Variants in MACROD2 observed in about 807,000 individuals in gnomAD.
MACROD2 encodes mono-ADP ribosylhydrolase 2.
Under a neutral mutation model 70.4 loss-of-function variants are expected in MACROD2, and 36 were observed. That is an observed-to-expected ratio of 0.51 (90% CI 0.39 to 0.68). The LOEUF is 0.68. Ranked by LOEUF, MACROD2 falls within the 30% of genes least tolerant of loss-of-function variation. MACROD2 has a pLI of 0.00. For synonymous variants in MACROD2, 172 were observed against 178.8 expected, an observed-to-expected ratio of 0.96 and a Z score of 0.30; for missense variants, 496 against 538.4, an observed-to-expected ratio of 0.92 and a Z score of 0.78.
intron 7 of MACROD2, among the ~76,000 whole-genome samples, chr20:15,467,534 TTCTC>T (rs896756508): frequency 6.6e-6 from 1 of 152,080 alleles, no homozygotes; most frequent in Non-Finnish European, 1.5e-5. Context: ...GGTTATTTTT[TTCTC>T]TCTCTCTCAT....
At chr20:15,165,172 C>T (rs2076375015) in intron 5 of MACROD2, among the ~76,000 whole-genome samples, 1 of 152,104 alleles carries the variant, frequency 6.6e-6, no homozygotes, top group Admixed American at 6.6e-5. Context: ...AGACTTGACA[C>T]CGGCTGGGTA....
intron 5 of MACROD2, among the ~76,000 whole-genome samples, chr20:15,189,440 A>T (rs1601197273): frequency 1.3e-5 from 2 of 152,182 alleles, no homozygotes; most frequent in East Asian, 3.9e-4. Flanking sequence ...GAATTCGGGC[A>T]ATCTAGCATG....
chr20:14,742,594 G>T (rs1207009729), intron 5 of MACROD2, among the ~76,000 whole-genome samples: 1 of 150,590 alleles, frequency 6.6e-6, no homozygotes, highest in East Asian at 1.9e-4. Context: ...TTTTTAATAA[G>T]GGTTAAAATC....
intron 5 of MACROD2, among the ~76,000 whole-genome samples, chr20:15,170,089 C>T (rs1170366319): frequency 1.3e-5 from 2 of 152,184 alleles, no homozygotes; most frequent in South Asian, 2.1e-4. Context: ...ATTGGAAGTA[C>T]AGTTAAGGTT....
intron 5 of MACROD2, among the ~76,000 whole-genome samples, chr20:14,755,622 A>G (rs901596217): frequency 2.0e-5 from 3 of 152,096 alleles, no homozygotes; most frequent in African/African-American, 7.3e-5. Flanking sequence ...GTCAAAATTT[A>G]GTAGAAGGTG....
intron 8 of MACROD2, among the ~76,000 whole-genome samples, chr20:15,735,497 C>A (rs552250607): frequency 2.6e-5 from 4 of 152,148 alleles, no homozygotes; most frequent in South Asian, 2.1e-4. Context: ...GATTTCACCA[C>A]CTTCATGAGA....
At chr20:15,153,063 G>A (rs6135352) in intron 5 of MACROD2, among the ~76,000 whole-genome samples, 23,678 of 152,034 alleles carry the variant, frequency 0.16, 2,095 homozygotes, top group East Asian at 0.34. Flanking sequence ...TGAGGTCGTA[G>A]GTGGATCTTT....
In MACROD2 at chr20:14,819,916, C is replaced by T. The variant is rs137954703; in HGVS notation, c.418+134957C>T. 5.8e-3 allele frequency among the ~76,000 whole-genome samples: 887 copies of T among 152,088 alleles called. 9 individuals are homozygous for T. The highest frequency in any genetic ancestry group is 8.9e-3 in the Non-Finnish European group (608 of 67,970). Reference sequence around the variant, plus strand: ...ATGCAGCAGATATCATGATGTTGTTCCCAACCTAAAAGCCCTGGGAAGCCC... The same window carrying T: ...ATGCAGCAGATATCATGATGTTGTTTCCAACCTAAAAGCCCTGGGAAGCCC... On this transcript the variant is annotated intron_variant, in intron 5 of 17. Coordinates refer to ENST00000684519, the MANE Select transcript of MACROD2 (RefSeq NM_001351661.2).
intron 5 of MACROD2, among the ~76,000 whole-genome samples, chr20:15,152,381 T>C (rs1408779986): frequency 2.7e-5 from 4 of 149,480 alleles, no homozygotes; most frequent in African/African-American, 5.0e-5. Context: ...TGGGGGTTCT[T>C]GCCCTCCAGA....
At chr20:14,676,378 A>C (rs2095097805) in intron 4 of MACROD2, among the ~76,000 whole-genome samples, 1 of 152,262 alleles carries the variant, frequency 6.6e-6, no homozygotes. Context: ...CTCAGACCAC[A>C]GTGCAATCAA....
intron 8 of MACROD2, among the ~76,000 whole-genome samples, chr20:15,560,816 G>A (rs1300541658): frequency 6.8e-6 from 1 of 146,398 alleles, no homozygotes; most frequent in Non-Finnish European, 1.5e-5. Context: ...TTTCTGTATA[G>A]GTCAATTTTT....
chr20:14,583,608 G>C (rs1004442558), intron 4 of MACROD2, among the ~76,000 whole-genome samples: 1 of 152,136 alleles, frequency 6.6e-6, no homozygotes, highest in Non-Finnish European at 1.5e-5. Context: ...GAAGAGCGAT[G>C]TTAGGTCAGT....
chr20:14,111,932 T>C (rs1334282022), intron 3 of MACROD2, among the ~76,000 whole-genome samples: 1 of 151,988 alleles, frequency 6.6e-6, no homozygotes, highest in Non-Finnish European at 1.5e-5. Flanking sequence ...CTGTTCACAA[T>C]AGCTAAGATT....
intron 5 of MACROD2, among the ~76,000 whole-genome samples, chr20:14,994,465 G>C (rs561900936): frequency 6.6e-6 from 1 of 152,144 alleles, no homozygotes; most frequent in African/African-American, 2.4e-5. Context: ...AGATGGCACG[G>C]GAGCAGGTTG....
At chr20:15,691,339 C>A (rs1303280235) in intron 8 of MACROD2, among the ~76,000 whole-genome samples, 1 of 152,164 alleles carries the variant, frequency 6.6e-6, no homozygotes, top group African/African-American at 2.4e-5. Context: ...TCTATTTACT[C>A]AACTATCCAC....
At chr20:14,498,637 G>A (rs749566838) in intron 4 of MACROD2, among the ~76,000 whole-genome samples, 1 of 152,168 alleles carries the variant, frequency 6.6e-6, no homozygotes, top group Admixed American at 6.5e-5. Flanking sequence ...GGCATTGGAT[G>A]TCTTCTTTAA....
rs1451923448 is a variant in MACROD2, at chr20:14,463,705, C to T, written c.272-29774C>T. ...TAGCTCTTATTATTTTGAGATATGT[C>T]CCATCAATACCTAATTTATTGAGAG... On this transcript the variant is annotated intron_variant, in intron 3 of 17. Transcript: ENST00000684519. Among the ~76,000 whole-genome samples, 5 of 151,958 alleles carry T rather than the reference C, an allele frequency of 3.3e-5. No individual in the cohort carries two copies. The South Asian group carries it at 8.3e-4, about 25-fold the overall frequency.
At chr20:14,071,382 T>A (rs1177731374) in intron 2 of MACROD2, among the ~76,000 whole-genome samples, 1 of 146,794 alleles carries the variant, frequency 6.8e-6, no homozygotes, top group Non-Finnish European at 1.5e-5. Flanking sequence ...TGCCTCAGCC[T>A]CCCCAGTTGC....
intron 5 of MACROD2, among the ~76,000 whole-genome samples, chr20:14,973,546 G>T (rs1048600976): frequency 6.6e-6 from 1 of 151,980 alleles, no homozygotes; most frequent in African/African-American, 2.4e-5. Flanking sequence ...TTATGGAGTG[G>T]CAGAGGAAGG....
Sources: allele counts gnomAD v4.1 joint callset (sites outside exome capture counted in the v4.1 genomes callset), GRCh38; gene constraint gnomAD v4.1.1; transcripts MANE v1.5; gene names NCBI Gene and HGNC (gene_info 2026-07-23, HGNC 2026-07-21).